The following EYS variants were observed in gnomAD, a reference collection of about 807,000 sequenced individuals.
EYS encodes EGF-like photoreceptor maintenance factor.
Under a neutral mutation model 282.1 loss-of-function variants are expected in EYS, and 250 were observed. The observed-to-expected ratio is 0.89, with a 90% CI of 0.80 to 0.98. EYS has a LOEUF of 0.98. EYS is among the 50% of genes least tolerant of loss of function. EYS has a pLI of 0.00. For synonymous variants in EYS, 1,355 were observed against 1,282.9 expected (o/e 1.06, Z -1.20); for missense variants, 4,016 against 3,709.0 (o/e 1.08, Z -2.15).
At chr6:65,382,161 A>G (rs934568879) in intron 8 of EYS, among the ~76,000 whole-genome samples, 4 of 148,870 alleles carry the variant, frequency 2.7e-5, no homozygotes, top group African/African-American at 9.9e-5. Flanking sequence ...TTTGTGCCCT[A>G]TCTAACAAAG....
chr6:64,376,733 C>T (rs918476600), intron 29 of EYS, among the ~76,000 whole-genome samples: 1 of 152,146 alleles, frequency 6.6e-6, no homozygotes, highest in African/African-American at 2.4e-5. Flanking sequence ...CTAATTGGTA[C>T]AAAAGTAGAT....
intron 5 of EYS, among the ~76,000 whole-genome samples, chr6:65,415,874 A>G (rs961521452): frequency 6.6e-6 from 1 of 151,994 alleles, no homozygotes; most frequent in Admixed American, 6.6e-5. Context: ...GTGTCTACGA[A>G]CTCCTTGCAA....
At chr6:65,475,148 C>CATAT (rs142700800) in intron 5 of EYS, among the ~76,000 whole-genome samples, 8 of 151,140 alleles carry the variant, frequency 5.3e-5, no homozygotes, top group East Asian at 3.9e-4. Context: ...GTTCAACTGT[C>CATAT]ATATATATAT....
chr6:65,680,877 C>A (rs761242996), intron 1 of EYS, among the ~76,000 whole-genome samples: 3 of 151,852 alleles, frequency 2.0e-5, no homozygotes, highest in Non-Finnish European at 4.4e-5. Context: ...CTACATCTAA[C>A]TCTATTCAAT....
chr6:64,626,213 T>G lies in EYS; in HGVS notation c.3476A>C (p.Glu1159Ala). The G allele has an allele frequency of 6.5e-7, 1 of 1,534,126 alleles. No individual in the cohort carries two copies. Among genetic ancestry groups the G allele is most frequent in the Non-Finnish European group, 8.8e-7 (1 of 1,142,126 alleles). ...CLPGFSGQFC[E>A]ININECSSSP... ...TGAAGAGCATTCATTTATATTAATT[T>G]CACAAAATTGACCAGAAAATCCAGG... Residue 1159 changes from glutamate (E) to alanine (A), a missense_variant, in exon 23 of 43, where the codon GAA (glutamate) becomes GCA (alanine). Physicochemically the swap from Glu to Ala is moderately radical, Grantham distance 107. Transcript: ENST00000503581.
intron 35 of EYS, among the ~76,000 whole-genome samples, chr6:63,970,067 A>C (rs1189787622): frequency 6.6e-6 from 1 of 152,118 alleles, no homozygotes; most frequent in East Asian, 1.9e-4. Context: ...TGGGTTGGAG[A>C]GAAAAAGCAG....
rs1417409138 is a variant in EYS at position 64,954,928 on chromosome 6, G to C, written c.2260-9014C>G. Among the ~76,000 whole-genome samples the C allele has an allele frequency of 3.9e-5, 6 of 152,264 alleles. No individual in the cohort carries two copies. In the South Asian group the frequency reaches 6.2e-4, roughly 16 times the overall value. On this transcript the variant is annotated intron_variant, in intron 14 of 42. Coordinates refer to ENST00000503581, the MANE Select transcript of EYS (RefSeq NM_001142800.2). ...TCACACCTGTAATCCCAGAACTTTG[G>C]AAGGCTGAGGCAGGTAGATCACCTG...
chr6:64,322,832 C>A (rs1489746228), intron 29 of EYS, among the ~76,000 whole-genome samples: 1 of 152,034 alleles, frequency 6.6e-6, no homozygotes, highest in Non-Finnish European at 1.5e-5. Flanking sequence ...CAGAAACTGG[C>A]AAAGAATGTC....
intron 36 of EYS, among the ~76,000 whole-genome samples, chr6:63,828,988 A>T (rs1771550225): frequency 6.6e-6 from 1 of 152,222 alleles, no homozygotes; most frequent in Non-Finnish European, 1.5e-5. Context: ...GTATCTATTG[A>T]GAGGAAAAGA....
At chr6:64,258,195 T>A (rs1301335471) in intron 30 of EYS, among the ~76,000 whole-genome samples, 1 of 152,066 alleles carries the variant, frequency 6.6e-6, no homozygotes, top group Non-Finnish European at 1.5e-5. Flanking sequence ...AACTTAATGG[T>A]ACAGTATGAA....
chr6:65,320,489 C>T (rs1769443154), intron 11 of EYS, among the ~76,000 whole-genome samples: 1 of 152,098 alleles, frequency 6.6e-6, no homozygotes, highest in African/African-American at 2.4e-5. Context: ...GGAGTTCCTC[C>T]TATTAACTTC....
At chr6:64,638,030 C>T (rs1768033537) in intron 22 of EYS, among the ~76,000 whole-genome samples, 1 of 91,212 alleles carries the variant, frequency 1.1e-5, no homozygotes, top group African/African-American at 4.2e-5. Flanking sequence ...AAACCCAACA[C>T]AATTCAAATA....
intron 2 of EYS, among the ~76,000 whole-genome samples, chr6:65,557,969 T>A (rs993499060): frequency 1.3e-5 from 2 of 152,070 alleles, no homozygotes; most frequent in Non-Finnish European, 2.9e-5. Flanking sequence ...AAATCCATGC[T>A]GATTGGTTCA....
intron 29 of EYS, among the ~76,000 whole-genome samples, chr6:64,374,237 G>A (rs1362069666): frequency 5.4e-5 from 8 of 149,082 alleles, no homozygotes; most frequent in African/African-American, 1.7e-4. Context: ...TGGGGGTTAG[G>A]GCCTGGGGGT....
intron 22 of EYS, among the ~76,000 whole-genome samples, chr6:64,803,984 G>A (rs1764347072): frequency 6.6e-6 from 1 of 152,166 alleles, no homozygotes; most frequent in Non-Finnish European, 1.5e-5. Flanking sequence ...GGAGGGTAGG[G>A]CTCTCACCCA....
intron 22 of EYS, among the ~76,000 whole-genome samples, chr6:64,654,640 C>A (rs1023491042): frequency 1.3e-5 from 2 of 152,182 alleles, no homozygotes; most frequent in African/African-American, 2.4e-5. Flanking sequence ...ATTTTAGTTA[C>A]AACACCTGAA....
At chr6:65,621,830 A>C (rs1010072793) in intron 2 of EYS, among the ~76,000 whole-genome samples, 1 of 152,008 alleles carries the variant, frequency 6.6e-6, no homozygotes, top group Non-Finnish European at 1.5e-5. Flanking sequence ...TGTCTCTTTT[A>C]CTGAGTTCTA....
At chr6:65,528,266 G>A (rs1767642310) in intron 2 of EYS, among the ~76,000 whole-genome samples, 1 of 152,074 alleles carries the variant, frequency 6.6e-6, no homozygotes. Context: ...GGGGAACACA[G>A]AAAAAAATTT....
At chr6:64,109,001 T>C (rs756891514) in intron 31 of EYS, among the ~76,000 whole-genome samples, 1 of 152,020 alleles carries the variant, frequency 6.6e-6, no homozygotes, top group Non-Finnish European at 1.5e-5. Flanking sequence ...CAAGTAAAGG[T>C]CACGTAACAC....
Sources: allele counts gnomAD v4.1 joint callset (sites outside exome capture counted in the v4.1 genomes callset), GRCh38; gene constraint gnomAD v4.1.1; transcripts MANE v1.5; gene names NCBI Gene and HGNC (gene_info 2026-07-23, HGNC 2026-07-21).